The following KDM2A variants were observed in gnomAD, a reference collection of about 807,000 sequenced individuals.
KDM2A encodes the protein lysine-specific demethylase 2A.
In KDM2A, 3 loss-of-function variants were observed where a neutral mutation model predicts 137.3. The ratio of observed to expected loss-of-function variants is 0.02; its 90% CI spans 0.01 to 0.06. The LOEUF (loss-of-function observed/expected upper bound fraction) is 0.06, where lower values mean the gene tolerates loss of function less well. KDM2A is among the 10% of genes least tolerant of loss of function. The pLI, the probability that KDM2A is intolerant of heterozygous loss-of-function variation, is 1.00. For missense variants in KDM2A, 738 were observed against 1,510.6 expected, an observed-to-expected ratio of 0.49 and a Z score of 8.48; for synonymous variants, 512 against 541.5, an observed-to-expected ratio of 0.95 and a Z score of 0.76.
chr11:67,236,354 T>C (rs2136433930), intron 12 of KDM2A, among the ~76,000 whole-genome samples: 1 of 152,260 alleles, frequency 6.6e-6, no homozygotes, highest in African/African-American at 2.4e-5. Flanking sequence ...TGGTCTTGAC[T>C]CCTGACCTCA....
At chr11:67,195,472 C>G (rs529187445) in intron 5 of KDM2A, 2 of 148,658 alleles carry the variant, frequency 1.3e-5, no homozygotes, top group South Asian at 2.2e-4. Context: ...TTAAACTCTT[C>G]TATTTTCCAA....
At chr11:67,125,786 A>AG (rs912240818) in intron 2 of KDM2A, among the ~76,000 whole-genome samples, 18 of 151,406 alleles carry the variant, frequency 1.2e-4, no homozygotes, top group African/African-American at 4.4e-4. Flanking sequence ...CTCAAAAAAA[A>AG]AAAAAAAATT....
intron 6 of KDM2A, among the ~76,000 whole-genome samples, chr11:67,210,783 T>G (rs1857954374): frequency 6.6e-6 from 1 of 152,202 alleles, no homozygotes; most frequent in African/African-American, 2.4e-5. Flanking sequence ...GAAGACTTCA[T>G]GTGGAATAGT....
At chr11:67,246,195 G>T in intron 15 of KDM2A, 79 bp downstream of exon 15, 1 of 1,509,554 alleles carries the variant, frequency 6.6e-7, no homozygotes, top group Non-Finnish European at 9.1e-7. Context: ...CTTGTGATGG[G>T]AGTGCCAGCA....
intron 2 of KDM2A, among the ~76,000 whole-genome samples, chr11:67,153,722 G>A (rs1248510010): frequency 6.6e-6 from 1 of 151,832 alleles, no homozygotes; most frequent in African/African-American, 2.4e-5. Flanking sequence ...GGCTGAGGTG[G>A]GAGGATTGCT....
chr11:67,238,171 TTTA>T (rs1382646065), intron 12 of KDM2A, among the ~76,000 whole-genome samples: 1 of 152,184 alleles, frequency 6.6e-6, no homozygotes, highest in African/African-American at 2.4e-5. Context: ...TTGCCTATCT[TTTA>T]TTCTCAATTA....
At chr11:67,183,370 C>G (rs1857131481) in intron 5 of KDM2A, among the ~76,000 whole-genome samples, 1 of 152,192 alleles carries the variant, frequency 6.6e-6, no homozygotes, top group South Asian at 2.1e-4. Context: ...GACATTCTTA[C>G]AGATTGTGGT....
At chr11:67,220,278 C>G (rs1858305912) in intron 10 of KDM2A, among the ~76,000 whole-genome samples, 1 of 152,176 alleles carries the variant, frequency 6.6e-6, no homozygotes, top group South Asian at 2.1e-4. Context: ...TCCTAAAGTG[C>G]TGGGATTACA....
At chr11:67,126,952 TTAG>T (rs1855745141) in intron 2 of KDM2A, among the ~76,000 whole-genome samples, 1 of 152,072 alleles carries the variant, frequency 6.6e-6, no homozygotes, top group Non-Finnish European at 1.5e-5. Flanking sequence ...AATGAAAATA[TTAG>T]TACTTTTGTA....
chr11:67,180,480 T>C lies in KDM2A; in HGVS notation c.181+263T>C, dbSNP rs59421048. ...TTTTGCCTAACGGCCTCTTCCTCCTTCTTCTATCCCTTGGTTTAAATTTAA... is the reference window on the plus strand; with the variant it reads ...TTTTGCCTAACGGCCTCTTCCTCCTCCTTCTATCCCTTGGTTTAAATTTAA... On this transcript the variant is annotated intron_variant, in intron 3 of 20. Transcript: ENST00000529006. 5.3e-3 allele frequency: 1,717 copies of C among 326,358 alleles called. 22 individuals are homozygous for C. Among genetic ancestry groups the C allele is most frequent in the African/African-American group, 0.033 (1,543 of 47,032 alleles). The allele number at this position is 326,358 out of a possible 1,614,324, so 20.2% of individuals were successfully genotyped here. A position where few individuals can be genotyped will look rare whatever the true frequency, so the allele number is the denominator to read the frequency against.
At chr11:67,162,843 A>G (rs1196736395) in intron 2 of KDM2A, among the ~76,000 whole-genome samples, 1 of 152,140 alleles carries the variant, frequency 6.6e-6, no homozygotes, top group Non-Finnish European at 1.5e-5. Context: ...CTTCCCAAGT[A>G]GCTGGGACTG....
At chr11:67,191,474 A>G (rs1360812045) in intron 5 of KDM2A, among the ~76,000 whole-genome samples, 3 of 152,246 alleles carry the variant, frequency 2.0e-5, no homozygotes, top group African/African-American at 7.2e-5. Flanking sequence ...TAAATTCAGC[A>G]GCATATTAAA....
At chr11:67,155,514 A>G (rs929137966) in intron 2 of KDM2A, among the ~76,000 whole-genome samples, 9 of 151,952 alleles carry the variant, frequency 5.9e-5, no homozygotes, top group African/African-American at 2.2e-4. Flanking sequence ...GTGTTGCCCA[A>G]GCTGGTTTCG....
chr11:67,195,894 A>G, intron 5 of KDM2A: 2 of 356,184 alleles, frequency 5.6e-6, no homozygotes, highest in Non-Finnish European at 1.1e-5. Context: ...AGTTCTCAAT[A>G]GGCTCCAATA....
chr11:67,178,203 C>G (rs1342345346), intron 2 of KDM2A, among the ~76,000 whole-genome samples: 1 of 151,974 alleles, frequency 6.6e-6, no homozygotes, highest in Non-Finnish European at 1.5e-5. Flanking sequence ...CACAGGAGTT[C>G]GAGACCAGCC....
chr11:67,163,596 G>A (rs930315958), intron 2 of KDM2A, among the ~76,000 whole-genome samples: 2 of 152,162 alleles, frequency 1.3e-5, no homozygotes, highest in African/African-American at 4.8e-5. Context: ...GCTCACGCCT[G>A]TAATTCCAGC....
At chr11:67,235,673 G>A (rs777884298) in intron 12 of KDM2A, among the ~76,000 whole-genome samples, 1 of 151,360 alleles carries the variant, frequency 6.6e-6, no homozygotes, top group African/African-American at 2.4e-5. Context: ...CTAGGCTGGG[G>A]TGCAGTGGCG....
At chr11:67,172,459 C>T (rs1188084438) in intron 2 of KDM2A, among the ~76,000 whole-genome samples, 2 of 152,038 alleles carry the variant, frequency 1.3e-5, no homozygotes, top group Non-Finnish European at 2.9e-5. Flanking sequence ...TTCAACAATG[C>T]TTTGTAGCTT....
At chr11:67,201,076 C>A (rs1857608150) in intron 5 of KDM2A, among the ~76,000 whole-genome samples, 2 of 151,806 alleles carry the variant, frequency 1.3e-5, no homozygotes, top group African/African-American at 4.8e-5. Context: ...CGCTTGTAGT[C>A]CCAGCTACTG....
Sources: allele counts gnomAD v4.1 joint callset (sites outside exome capture counted in the v4.1 genomes callset), GRCh38; gene constraint gnomAD v4.1.1; transcripts MANE v1.5; gene names NCBI Gene and HGNC (gene_info 2026-07-23, HGNC 2026-07-21).